TLR7: variants seen among roughly 807,000 people sequenced by gnomAD.
The protein encoded by TLR7 is toll like receptor 7.
Under a neutral mutation model 38.3 loss-of-function variants are expected in TLR7, and 12 were observed. That is an observed-to-expected ratio of 0.31 (90% CI 0.20 to 0.51). The LOEUF (loss-of-function observed/expected upper bound fraction) is 0.51. TLR7 is among the 20% of genes least tolerant of loss of function. The pLI is 0.98. For synonymous variants in TLR7, 285 were observed against 293.8 expected (o/e 0.97, Z 0.31); for missense variants, 504 against 743.4 (o/e 0.68, Z 3.74).
At chrX:12,882,800 T>G (rs1009826795) in intron 2 of TLR7, among the ~76,000 whole-genome samples, 3 of 112,064 alleles carry the variant, frequency 2.7e-5, no homozygotes, top group Admixed American at 9.5e-5. Flanking sequence ...GTATGAGGAC[T>G]GCTGTGTCAA....
rs1364784471 is a variant in TLR7 at position 12,887,341 on chromosome X, C to A, written c.1833C>A (p.Ser611=). The A allele has an allele frequency of 8.3e-7, 1 of 1,210,148 alleles. No homozygotes were observed. Among genetic ancestry groups the A allele is most frequent in the African/African-American group, 1.7e-5 (1 of 57,250 alleles). ...TGAACGACAATGACATCTCTTCCTCCACCAGCAGGACCATGGAGAGTGAGT... is the reference window on the plus strand; with the variant it reads ...TGAACGACAATGACATCTCTTCCTCAACCAGCAGGACCATGGAGAGTGAGT... ...LMMNDNDISS[S]TSRTMESESL... The change falls in exon 3 of 3, where the codon TCC becomes TCA. Residue 611 remains serine, a synonymous_variant. Transcript: ENST00000380659.
chrX:12,876,338 A>C (rs2042870514), intron 2 of TLR7, among the ~76,000 whole-genome samples: 1 of 112,226 alleles, frequency 8.9e-6, no homozygotes, highest in African/African-American at 3.2e-5. Context: ...GTAGCACAAA[A>C]TAGAAACATT....
chrX:12,885,707 A>G lies in TLR7; in HGVS notation c.199A>G (p.Thr67Ala), dbSNP rs752095862. The change falls in exon 3 of 3, where the codon ACC becomes GCC. Residue 67 changes from threonine to alanine, a missense_variant. By Grantham distance (58) the Thr-to-Ala change is moderately conservative. Coordinates refer to ENST00000380659, the MANE Select transcript of TLR7 (RefSeq NM_016562.4). ...AATTCCTGGAGGTATTCCCACGAAC[A>G]CCACGAACCTCACCCTCACCATTAA... ...TEIPGGIPTNTTNLTLTINHI... is the reference protein window; with the variant it reads ...TEIPGGIPTNATNLTLTINHI... 2 of 1,209,974 alleles carry G rather than the reference A, an allele frequency of 1.7e-6. No individual in the cohort carries two copies. The highest frequency in any genetic ancestry group is 1.7e-5 in the African/African-American group (1 of 57,201).
At chrX:12,867,624 C>T in intron 2 of TLR7, 43 bp downstream of exon 2, 1 of 1,172,972 alleles carries the variant, frequency 8.5e-7, no homozygotes, top group Non-Finnish European at 1.2e-6. Context: ...TATCTGTAAT[C>T]TTTGTGGAAA....
At chrX:12,882,201 G>T (rs1322373649) in intron 2 of TLR7, among the ~76,000 whole-genome samples, 1 of 111,901 alleles carries the variant, frequency 8.9e-6, no homozygotes, top group African/African-American at 3.3e-5. Context: ...CTTGATATAA[G>T]CAATGGTAGA....
rs2042915548 is a variant in TLR7, at chrX:12,887,490, C to T, written c.1982C>T (p.Ser661Phe). The T allele has an allele frequency of 1.7e-6, 2 of 1,208,695 alleles. No individual in the cohort carries two copies. Among genetic ancestry groups the T allele is most frequent in the South Asian group, 3.5e-5 (2 of 56,702 alleles). Residue 661 changes from serine to phenylalanine, a missense_variant, in exon 3 of 3, where the codon TCC becomes TTC. Ser to Phe is a radical substitution (Grantham distance 155). Coordinates refer to ENST00000380659, the MANE Select transcript of TLR7 (RefSeq NM_016562.4). ...GAGGAATTAGACATCTCTAAAAATT[C>T]CCTAAGTTTCTTGCCTTCTGGAGTT... is the stretch of plus-strand genomic sequence containing the variant. ...KLEELDISKNSLSFLPSGVFD... is the reference protein window; with the variant it reads ...KLEELDISKNFLSFLPSGVFD...
chrX:12,886,141 G>T lies in TLR7; in HGVS notation c.633G>T (p.Leu211=), dbSNP rs764996255. 8.3e-7 allele frequency: 1 copy of T among 1,211,843 alleles called. No individual in the cohort carries two copies. Among genetic ancestry groups the T allele is most frequent in the Non-Finnish European group, 1.1e-6 (1 of 895,442 alleles). Residue 211 remains leucine, a synonymous_variant, in exon 3 of 3, where the codon CTG becomes CTT. Coordinates refer to ENST00000380659, the MANE Select transcript of TLR7 (RefSeq NM_016562.4). Reference sequence around the variant, plus strand: ...TGACAAAGTTAAAAGTGCTCTCCCTGAAAGATAACAATGTCACAGCCGTCC... The same window carrying T: ...TGACAAAGTTAAAAGTGCTCTCCCTTAAAGATAACAATGTCACAGCCGTCC... ...LNLTKLKVLS[L]KDNNVTAVPT... is the part of the protein sequence containing the mutation.
chrX:12,880,532 C>T (rs941745493), intron 2 of TLR7, among the ~76,000 whole-genome samples: 1 of 111,789 alleles, frequency 8.9e-6, no homozygotes, highest in African/African-American at 3.3e-5. Context: ...AACCTTTTCC[C>T]CCAAGGAATC....
intron 2 of TLR7, among the ~76,000 whole-genome samples, chrX:12,878,744 G>A (rs2042881427): frequency 9.1e-6 from 1 of 109,327 alleles, no homozygotes; most frequent in African/African-American, 3.5e-5. Flanking sequence ...TCTCTCAATT[G>A]AATCAACTAC....
intron 2 of TLR7, among the ~76,000 whole-genome samples, chrX:12,876,163 G>T (rs1427829908): frequency 9.0e-6 from 1 of 111,182 alleles, no homozygotes; most frequent in Non-Finnish European, 1.9e-5. Context: ...TCACCATGTT[G>T]GCCATGCTGG....
intron 2 of TLR7, among the ~76,000 whole-genome samples, 174 bp from the exon 3 acceptor site, chrX:12,885,338 C>T (rs946562031): frequency 4.5e-5 from 5 of 112,243 alleles, no homozygotes; most frequent in African/African-American, 1.6e-4. Flanking sequence ...AGTTGCAAAT[C>T]TCAGTAACTG....
At position 12,885,711 on chromosome X, in the gene TLR7, C is replaced by T. The variant is rs1411084015; in HGVS notation, c.203C>T (p.Thr68Met). 2.5e-6 allele frequency: 3 copies of T among 1,209,886 alleles called. No individual in the cohort carries two copies. The highest frequency in any genetic ancestry group is 3.4e-6 in the Non-Finnish European group (3 of 895,139). The change falls in exon 3 of 3, where the codon ACG (threonine) becomes ATG (methionine). Residue 68 changes from threonine (T) to methionine (M), a missense_variant. Coordinates refer to ENST00000380659, the MANE Select transcript of TLR7 (RefSeq NM_016562.4). ...EIPGGIPTNT[T>M]NLTLTINHIP... ...CCTGGAGGTATTCCCACGAACACCA[C>T]GAACCTCACCCTCACCATTAACCAC...
chrX:12,881,496 TAATA>T (rs1195655127), intron 2 of TLR7, among the ~76,000 whole-genome samples: 11 of 100,971 alleles, frequency 1.1e-4, no homozygotes, highest in Non-Finnish European at 2.2e-4. Flanking sequence ...TTATTCTTTT[TAATA>T]AATAATAAAT....
Position 12,888,146 on chromosome X carries a change from G to A in TLR7, c.2638G>A (p.Gly880Arg). 1 of 1,211,703 alleles carries A rather than the reference G, an allele frequency of 8.3e-7. No homozygotes were observed. The highest frequency in any genetic ancestry group is 1.1e-6 in the Non-Finnish European group (1 of 895,327). The change falls in exon 3 of 3, where the codon GGG (glycine) becomes AGG (arginine). Residue 880 changes from glycine (G) to arginine (R), a missense_variant. Physicochemically the swap from Gly to Arg is moderately radical, Grantham distance 125. Coordinates refer to ENST00000380659, the MANE Select transcript of TLR7 (RefSeq NM_016562.4). ...IYHFCKAKIK[G>R]YQRLISPDCC... The stretch of plus-strand genomic sequence containing the variant: ...CCATTTCTGTAAGGCCAAGATAAAG[G>A]GGTATCAGCGTCTAATATCACCAGA...
At chrX:12,882,791 T>C (rs142216054) in intron 2 of TLR7, among the ~76,000 whole-genome samples, 2 of 112,192 alleles carry the variant, frequency 1.8e-5, no homozygotes, top group African/African-American at 3.2e-5. Flanking sequence ...GGAAACGCAG[T>C]ATGAGGACTG....
In TLR7 at chrX:12,890,272, T is replaced by C. The variant is rs1295239360; in HGVS notation, c.*1614T>C. 8.9e-6 allele frequency: 1 copy of C among 112,840 alleles called. No individual in the cohort carries two copies. Among genetic ancestry groups the C allele is most frequent in the Non-Finnish European group, 1.9e-5 (1 of 53,358 alleles). 9.3% of individuals were successfully genotyped at this position (112,840 alleles called of 1,213,427 possible). ...GTGAGTACACACTATATGAATTATT[T>C]CCAACGTACATTTAATCAATAAGGG... On this transcript the variant is annotated 3_prime_UTR_variant, in exon 3 of 3. Coordinates refer to ENST00000380659, the MANE Select transcript of TLR7 (RefSeq NM_016562.4).
Position 12,887,242 on chromosome X carries a change from T to C in TLR7, c.1734T>C (p.His578=), listed in dbSNP as rs757812593. The C allele has an allele frequency of 3.3e-6, 4 of 1,210,568 alleles. No homozygotes were observed. The highest frequency in any genetic ancestry group is 2.3e-4 in the Middle Eastern group (1 of 4,354). The change falls in exon 3 of 3, where the codon CAT becomes CAC. Residue 578 remains histidine, a synonymous_variant. Coordinates refer to ENST00000380659, the MANE Select transcript of TLR7 (RefSeq NM_016562.4). ...LEVLDISSNS[H]YFQSEGITHM... is the part of the protein sequence containing the mutation. ...TTCTGGATATAAGCAGTAATAGCCA[T>C]TATTTTCAATCAGAAGGAATTACTC...
chrX:12,872,360 A>T (rs1161250780), intron 2 of TLR7, among the ~76,000 whole-genome samples: 2 of 111,528 alleles, frequency 1.8e-5, no homozygotes, highest in Non-Finnish European at 3.8e-5. Context: ...AATCACCTGA[A>T]GACTCACTCT....
chrX:12,874,424 TAGA>T (rs1204922951), intron 2 of TLR7, among the ~76,000 whole-genome samples: 2 of 111,945 alleles, frequency 1.8e-5, no homozygotes, highest in Admixed American at 9.5e-5. Context: ...GTGGAATTCT[TAGA>T]AGGTTTATGG....
Sources: allele counts gnomAD v4.1 joint callset (sites outside exome capture counted in the v4.1 genomes callset), GRCh38; gene constraint gnomAD v4.1.1; transcripts MANE v1.5; gene names NCBI Gene and HGNC (gene_info 2026-07-23, HGNC 2026-07-21).